The following EXOG variants were observed in gnomAD, a reference collection of about 807,000 sequenced individuals.
EXOG encodes the protein exo/endonuclease G.
In EXOG, 27 loss-of-function variants were observed where a neutral mutation model predicts 25.8. That is an observed-to-expected ratio of 1.05 (90% confidence interval 0.77 to 1.45). The LOEUF is 1.45. EXOG is among the 40% of genes most tolerant of loss of function. EXOG has a pLI of 0.00. For missense variants in EXOG, 458 were observed against 450.5 expected (o/e 1.02, Z -0.15); for synonymous variants, 133 against 167.0 (o/e 0.80, Z 1.57).
At chr3:38,510,819 T>G (rs928197041) in intron 5 of EXOG, among the ~76,000 whole-genome samples, 1 of 152,108 alleles carries the variant, frequency 6.6e-6, no homozygotes, top group African/African-American at 2.4e-5. Flanking sequence ...CTCACCCTAG[T>G]TAGTGTCATA....
chr3:38,498,957 A>G (rs1195664989), intron 2 of EXOG: 1 of 456,720 alleles, frequency 2.2e-6, no homozygotes. Flanking sequence ...TCCTAGCATC[A>G]TTGTTTCTTC....
In EXOG at chr3:38,520,849, G is replaced by A. The variant is rs17037820; in HGVS notation, c.646-3052G>A. ...ATGAAGAAACAAGAAATGGGTGGAC[G>A]CGACTTGCAGCTTAGTGGCAAAGCC... On this transcript the variant is annotated intron_variant, in intron 5 of 5. Coordinates refer to ENST00000287675, the MANE Select transcript of EXOG (RefSeq NM_005107.4). Among the ~76,000 whole-genome samples the A allele has an allele frequency of 3.9e-3, 593 of 152,302 alleles. 3 individuals carry two copies. Among genetic ancestry groups the A allele is most frequent in the African/African-American group, 0.013 (556 of 41,554 alleles).
chr3:38,510,012 ATTAT>A (rs2060318555), intron 5 of EXOG, among the ~76,000 whole-genome samples: 1 of 152,204 alleles, frequency 6.6e-6, no homozygotes. Flanking sequence ...CTCCTCATAC[ATTAT>A]TTATTAATCA....
chr3:38,521,163 A>G (rs534900363), intron 5 of EXOG, among the ~76,000 whole-genome samples: 134 of 152,352 alleles, frequency 8.8e-4, no homozygotes, highest in Middle Eastern at 6.8e-3. Flanking sequence ...CTGAATCAGA[A>G]AAGAGATTAG....
chr3:38,516,669 C>G (rs2060552925), intron 5 of EXOG, among the ~76,000 whole-genome samples: 1 of 151,906 alleles, frequency 6.6e-6, no homozygotes. Context: ...ACAAATTACC[C>G]AATACTATCC....
chr3:38,508,722 A>C (rs116708541), intron 5 of EXOG, among the ~76,000 whole-genome samples: 3,717 of 103,012 alleles, frequency 0.036, 133 homozygotes, highest in African/African-American at 0.13. Flanking sequence ...CCCCCCCCCC[A>C]AAAAAAAACC....
chr3:38,499,610 G>C (rs2059987443), intron 2 of EXOG: 66 of 451,030 alleles, frequency 1.5e-4, no homozygotes, highest in South Asian at 1.0e-3. Context: ...GAAAATGTTA[G>C]TATATAAAAA....
At chr3:38,500,025 G>T (rs2060000309) in intron 2 of EXOG, 1 of 184,652 alleles carries the variant, frequency 5.4e-6, no homozygotes, top group Non-Finnish European at 1.1e-5. Flanking sequence ...TGTTACCCTG[G>T]AACTCCAAAG....
chr3:38,525,904 A>G lies in EXOG; in HGVS notation c.*1542A>G, dbSNP rs1221742643. 5.1e-5 allele frequency: 44 copies of G among 857,716 alleles called. No homozygotes were observed. The highest frequency in any genetic ancestry group is 1.1e-4 in the South Asian group (2 of 18,754). 53.1% of individuals were successfully genotyped at this position (857,716 alleles called of 1,614,324 possible). On this transcript the variant is annotated 3_prime_UTR_variant, in exon 6 of 6. Coordinates refer to ENST00000287675, the MANE Select transcript of EXOG (RefSeq NM_005107.4). ...GGCTGCGATGGGACATGGTCATGCC[A>G]CTGGACGCCAGCCTGGGCCACAGAG...
At chr3:38,523,864 C>CA in intron 5 of EXOG, 37 bp from the exon 6 acceptor site, 1 of 1,479,470 alleles carries the variant, frequency 6.8e-7, no homozygotes, top group Middle Eastern at 1.8e-4. Flanking sequence ...ACTGTTAGCA[C>CA]AAATTGGCAT....
chr3:38,501,428 A>G lies in EXOG; in HGVS notation c.387A>G (p.Glu129=). Reference sequence around the variant, plus strand: ...CTCCAACCTTCAGTGCCTTCAATGAAGATTATGTTGGAAGTGGGTGGTCAC... The same window carrying G: ...CTCCAACCTTCAGTGCCTTCAATGAGGATTATGTTGGAAGTGGGTGGTCAC... ...NIPPTFSAFN[E]DYVGSGWSRG... The change falls in exon 3 of 6, where the codon GAA becomes GAG. Residue 129 remains glutamate, a synonymous_variant. Coordinates refer to ENST00000287675, the MANE Select transcript of EXOG (RefSeq NM_005107.4). The G allele has an allele frequency of 6.2e-6, 10 of 1,613,832 alleles. No homozygotes were observed. The highest frequency in any genetic ancestry group is 8.5e-6 in the Non-Finnish European group (10 of 1,179,716).
intron 4 of EXOG, among the ~76,000 whole-genome samples, chr3:38,505,965 A>C (rs1482584122): frequency 6.6e-6 from 1 of 151,640 alleles, no homozygotes; most frequent in Admixed American, 6.6e-5. Context: ...AAAAAAAAAA[A>C]AAACTTCCAA....
Position 38,525,970 on chromosome 3 carries a change from G to A in EXOG, c.*1608G>A, listed in dbSNP as rs535465751. ...AAAAAAGAAAAGAAAAAAGAAAAAGGTCTGCCCACAAAATCACTAGCTTAT... is the reference window on the plus strand; with the variant it reads ...AAAAAAGAAAAGAAAAAAGAAAAAGATCTGCCCACAAAATCACTAGCTTAT... On this transcript the variant is annotated 3_prime_UTR_variant, in exon 6 of 6. Transcript: ENST00000287675. The A allele has an allele frequency of 4.1e-6, 4 of 985,222 alleles. No individual in the cohort carries two copies. In the African/African-American group the frequency reaches 7.0e-5, roughly 17 times the overall value. The allele number at this position is 985,222 out of a possible 1,614,324, so 61.0% of individuals were successfully genotyped here.
intron 5 of EXOG, among the ~76,000 whole-genome samples, chr3:38,522,481 CT>C (rs1359471022): frequency 6.6e-6 from 1 of 152,102 alleles, no homozygotes. Context: ...TGAGTATTTT[CT>C]TTTTCAAAAA....
intron 4 of EXOG, chr3:38,505,502 G>A (rs538299862): frequency 6.6e-6 from 1 of 152,304 alleles, no homozygotes; most frequent in Non-Finnish European, 1.5e-5. Context: ...AAGTGAAGCA[G>A]TGGGAGTAGA....
Position 38,525,317 on chromosome 3 carries a change from CT to C in EXOG, c.*959del. On this transcript the variant is annotated 3_prime_UTR_variant, in exon 6 of 6. Coordinates refer to ENST00000287675, the MANE Select transcript of EXOG (RefSeq NM_005107.4). The stretch of plus-strand genomic sequence containing the variant: ...AAAGACAGCTGAGGTAGATTCAAAT[CT>C]TTTCTGACATGGATGGTGGCTTTTT... 4.1e-6 allele frequency: 4 copies of C among 985,054 alleles called. No individual in the cohort carries two copies. Among genetic ancestry groups the C allele is most frequent in the Non-Finnish European group, 4.8e-6 (4 of 829,588 alleles). The allele number at this position is 985,054 out of a possible 1,614,324, so 61.0% of individuals were successfully genotyped here.
At position 38,525,884 on chromosome 3, in the gene EXOG, C is replaced by A; in HGVS notation, c.*1522C>A. The A allele has an allele frequency of 1.4e-6, 1 of 703,276 alleles. No individual in the cohort carries two copies. Among genetic ancestry groups the A allele is most frequent in the Non-Finnish European group, 1.7e-6 (1 of 572,464 alleles). 43.6% of individuals were successfully genotyped at this position (703,276 alleles called of 1,614,324 possible). A position where few individuals can be genotyped will look rare whatever the true frequency, so the allele number is the denominator to read the frequency against. On this transcript the variant is annotated 3_prime_UTR_variant, in exon 6 of 6. Coordinates refer to ENST00000287675, the MANE Select transcript of EXOG (RefSeq NM_005107.4). The stretch of plus-strand genomic sequence containing the variant: ...GCTTGAGCCTGGCAGGTCAAGGCTG[C>A]GATGGGACATGGTCATGCCACTGGA...
At chr3:38,506,744 T>C (rs2060211367) in intron 4 of EXOG, 110 bp from the exon 5 acceptor site, 1 of 504,738 alleles carries the variant, frequency 2.0e-6, no homozygotes, top group Non-Finnish European at 3.5e-6. Flanking sequence ...TCTTGTTTAA[T>C]TTCTCAAATG....
chr3:38,518,786 C>G (rs999719882), intron 5 of EXOG, among the ~76,000 whole-genome samples: 1 of 152,166 alleles, frequency 6.6e-6, no homozygotes, highest in African/African-American at 2.4e-5. Context: ...TCAATCTTCA[C>G]TACACCCTTA....
Sources: gnomAD v4.1 joint callset for allele counts (sites outside exome capture counted in the v4.1 genomes callset) on GRCh38, gnomAD v4.1.1 for gene constraint, MANE v1.5 for transcripts, NCBI Gene and HGNC (gene_info 2026-07-23, HGNC 2026-07-21) for gene names.